UBQLN3: variants seen among roughly 807,000 people sequenced by gnomAD.
UBQLN3 encodes the protein ubiquilin-3.
UBQLN3 carries 1 observed loss-of-function variant against 2.9 expected under a neutral mutation model. The ratio of observed to expected loss-of-function variants is 0.35; its 90% confidence interval spans 0.12 to 1.66. The LOEUF is 1.66. UBQLN3 is among the 40% of genes most tolerant of loss of function. The pLI is 0.35. For synonymous variants in UBQLN3, 358 were observed against 317.6 expected, an observed-to-expected ratio of 1.13 and a Z score of -1.35; for missense variants, 924 against 816.5, an observed-to-expected ratio of 1.13 and a Z score of -1.61.
Position 5,509,040 on chromosome 11 carries a change from A to G in UBQLN3, c.519T>C (p.Asp173=), listed in dbSNP as rs771899984. Residue 173 remains aspartate (D), a synonymous_variant, in exon 2 of 2, where the codon GAT becomes GAC. Transcript: ENST00000311659. ...ACAGCAGACCCGGGATGAAGGGGTC[A>G]TCAATGAGCTGAGTCACAAACTCAG... ...SVPEFVTQLI[D]DPFIPGLLSN... is the part of the protein sequence containing the mutation. 1.9e-6 allele frequency: 3 copies of G among 1,614,182 alleles called. No homozygotes were observed. Among genetic ancestry groups the G allele is most frequent in the Non-Finnish European group, 2.5e-6 (3 of 1,180,012 alleles).
Position 5,507,991 on chromosome 11 carries a change from G to T in UBQLN3, c.1568C>A (p.Ala523Asp), listed in dbSNP as rs2133824676. ...AAMANPRALQ[A>D]LRQIEQGLQV... is the part of the protein sequence containing the mutation. ...TAGACCCTGCTCAATCTGCCGCAGG[G>T]CTTGCAGGGCACGGGGGTTTGCCAT... Residue 523 changes from alanine (A) to aspartate (D), a missense_variant, in exon 2 of 2, where the codon GCC becomes GAC. Transcript: ENST00000311659. The T allele has an allele frequency of 1.9e-6, 3 of 1,614,060 alleles. No individual in the cohort carries two copies. In the South Asian group the frequency reaches 3.3e-5, roughly 18 times the overall value.
chr11:5,508,248 A>G lies in UBQLN3; in HGVS notation c.1311T>C (p.His437=). The change falls in exon 2 of 2, where the codon CAT becomes CAC. Residue 437 remains histidine (H), a synonymous_variant. Transcript: ENST00000311659. The surrounding 1 kb of genome is among the most constrained non-coding windows in gnomAD (Gnocchi z 4.2). ...QDGAGKSSTG[H]STNLPDLVSG... ...AGACAAGATCAGGCAAGTTTGTGCT[A>G]TGTCCAGTAGAGCTTTTCCCTGCAC... 1 of 1,614,112 alleles carries G rather than the reference A, an allele frequency of 6.2e-7. No homozygotes were observed. The highest frequency in any genetic ancestry group is 8.5e-7 in the Non-Finnish European group (1 of 1,179,986).
chr11:5,507,893 C>A lies in UBQLN3; in HGVS notation c.1666G>T (p.Ala556Ser), dbSNP rs1238107597. 1.2e-6 allele frequency: 2 copies of A among 1,613,724 alleles called. No homozygotes were observed. Among genetic ancestry groups the A allele is most frequent in the African/African-American group, 1.3e-5 (1 of 74,934 alleles). The change falls in exon 2 of 2, where the codon GCA becomes TCA. Residue 556 changes from alanine to serine, a missense_variant. Ala to Ser is a moderately conservative substitution (Grantham distance 99). Transcript: ENST00000311659. ...TCTTCTCTAGACTCTATACCTCCTG[C>A]CACACTACCCGTCCCTGCTAGGCAA... ...MPCLAGTGSV[A>S]GGIESREDPL...
chr11:5,509,822 G>A, intron 1 of UBQLN3, 52 bp downstream of exon 1: 1 of 488,480 alleles, frequency 2.0e-6, no homozygotes. Flanking sequence ...GTCTGTAGTT[G>A]ATGAATACAG....
rs1361940057 is a variant in UBQLN3 at position 5,508,355 on chromosome 11, C to T, written c.1204G>A (p.Ala402Thr). 4 of 1,606,584 alleles carry T rather than the reference C, an allele frequency of 2.5e-6. No homozygotes were observed. The Admixed American group carries it at 6.7e-5, about 27-fold the overall frequency. ...SGQPLPEESV[A>T]IKGRSSCPAF... The stretch of plus-strand genomic sequence containing the variant: ...GGGCAGGAGGACCTTCCCTTGATTG[C>T]TACTGACTCCTCGGGGAGAGGCTGG... Residue 402 changes from alanine to threonine, a missense_variant, in exon 2 of 2, where the codon GCA becomes ACA. Physicochemically the swap from Ala to Thr is moderately conservative, Grantham distance 58 (BLOSUM62 0). Transcript: ENST00000311659. This position sits in a 1 kb window ranked among gnomAD's most constrained non-coding sequence, Gnocchi z 4.2.
Position 5,508,875 on chromosome 11 carries a change from G to A in UBQLN3, c.684C>T (p.Ala228=), listed in dbSNP as rs536869156. The A allele has an allele frequency of 1.2e-6, 2 of 1,614,184 alleles. No individual in the cohort carries two copies. Among genetic ancestry groups the A allele is most frequent in the African/African-American group, 2.7e-5 (2 of 75,042 alleles). The change falls in exon 2 of 2, where the codon GCC becomes GCT. Residue 228 remains alanine (A), a synonymous_variant. Coordinates refer to ENST00000311659, the MANE Select transcript of UBQLN3 (RefSeq NM_017481.4). The surrounding 1 kb of genome is among the most constrained non-coding windows in gnomAD (Gnocchi z 4.2). ...GGCTACGTATCATCTCCTGCATCAT[G>A]GCAGGGTTACGTAAAAACTCCAGTG... ...RQTLEFLRNP[A]MMQEMIRSQD...
Position 5,509,565 on chromosome 11 carries a change from A to T in UBQLN3, c.-7T>A. The T allele has an allele frequency of 6.2e-7, 1 of 1,610,378 alleles. No individual in the cohort carries two copies. Among genetic ancestry groups the T allele is most frequent in the Non-Finnish European group, 8.5e-7 (1 of 1,178,038 alleles). ...CTTCTCCACCTTTGGCCATGGTGGC[A>T]GCAGGAGGCCCAGATCTGTGGGGAC... On this transcript the variant is annotated 5_prime_UTR_variant, in exon 2 of 2. Transcript: ENST00000311659.
rs1293062154 is a variant in UBQLN3, at chr11:5,508,297, G to A, written c.1262C>T (p.Thr421Ile). The A allele has an allele frequency of 2.5e-6, 4 of 1,613,502 alleles. No individual in the cohort carries two copies. In the South Asian group the frequency reaches 3.3e-5, roughly 13 times the overall value. Reference protein sequence around the residue: ...AFLRYPTENSTGQGGDQDGAG... With the variant: ...AFLRYPTENSIGQGGDQDGAG... ...ACCATCTTGGTCTCCACCTTGTCCA[G>A]TACTGTTCTCTGTGGGGTATCTCAG... Residue 421 changes from threonine (T) to isoleucine (I), a missense_variant, in exon 2 of 2, where the codon ACT becomes ATT. Coordinates refer to ENST00000311659, the MANE Select transcript of UBQLN3 (RefSeq NM_017481.4). The surrounding 1 kb of genome is among the most constrained non-coding windows in gnomAD (Gnocchi z 4.2).
rs138490127 is a variant in UBQLN3, at chr11:5,507,626, C to T, written c.1933G>A (p.Val645Met). The change falls in exon 2 of 2, where the codon GTG (valine) becomes ATG (methionine). Residue 645 changes from valine to methionine, a missense_variant. By Grantham distance (21) the Val-to-Met change is conservative. Transcript: ENST00000311659. ...CTCAGCTTCTCCACAGCAGCATCCA[C>T]GTCGCCCCCCGTAGCAATGAGGGCC... Reference protein sequence around the residue: ...LQALIATGGDVDAAVEKLRQS With the variant: ...LQALIATGGDMDAAVEKLRQS The T allele has an allele frequency of 1.8e-4, 283 of 1,612,414 alleles. 1 individual carries two copies. The highest frequency in any genetic ancestry group is 8.2e-4 in the Middle Eastern group (5 of 6,074).
chr11:5,509,310 AT>A lies in UBQLN3; in HGVS notation c.248del (p.Asp83ValfsTer52). The A allele has an allele frequency of 6.2e-7, 1 of 1,614,218 alleles. No homozygotes were observed. The highest frequency in any genetic ancestry group is 2.2e-5 in the East Asian group (1 of 44,884). On this transcript the variant is annotated frameshift_variant, in exon 2 of 2. Coordinates refer to ENST00000311659, the MANE Select transcript of UBQLN3 (RefSeq NM_017481.4). LOFTEE classifies it low-confidence loss of function (END_TRUNC). The stretch of plus-strand genomic sequence containing the variant: ...TGATGACCAGGTGGACAGTGAGGCC[AT>A]CTCGCACTCCACACTGTGCCAGTGA... Reference protein sequence around the residue: ...PDSLAQCGVRDGLTVHLVIKR... With the variant: ...PDSLAQCGVRXGLTVHLVIKR...
chr11:5,508,644 G>A lies in UBQLN3; in HGVS notation c.915C>T (p.Pro305=), dbSNP rs1311240879. The A allele has an allele frequency of 2.5e-6, 4 of 1,614,090 alleles. No individual in the cohort carries two copies. The South Asian group carries it at 4.4e-5, about 18-fold the overall frequency. Residue 305 remains proline (P), a synonymous_variant, in exon 2 of 2, where the codon CCC becomes CCT. Transcript: ENST00000311659. The surrounding 1 kb of genome is among the most constrained non-coding windows in gnomAD (Gnocchi z 4.2). ...CTGAGCCTCCATGTGTGGAAGTCCA[G>A]GGGTTGGGGAGAGGGTCACAATTCT... The part of the protein sequence containing the change: ...RMENCDPLPN[P]WTSTHGGSGS...
rs1455114717 is a variant in UBQLN3 at position 5,508,182 on chromosome 11, G to A, written c.1377C>T (p.Pro459=). Residue 459 remains proline (P), a synonymous_variant, in exon 2 of 2, where the codon CCC becomes CCT. Transcript: ENST00000311659. The surrounding 1 kb of genome is among the most constrained non-coding windows in gnomAD (Gnocchi z 4.2). ...GDSANRVPFA[P]LSFSPTAAIP... is the part of the protein sequence containing the mutation. ...TGGCTGCCGTGGGGGAAAAAGATAAGGGAGCAAATGGAACCCTGTTGGCAG... is the reference window on the plus strand; with the variant it reads ...TGGCTGCCGTGGGGGAAAAAGATAAAGGAGCAAATGGAACCCTGTTGGCAG... 2.5e-6 allele frequency: 4 copies of A among 1,614,180 alleles called. No individual in the cohort carries two copies. The highest frequency in any genetic ancestry group is 2.5e-6 in the Non-Finnish European group (3 of 1,180,044).
rs749178331 is a variant in UBQLN3 at position 5,508,460 on chromosome 11, G to A, written c.1099C>T (p.Leu367Phe). Residue 367 changes from leucine (L) to phenylalanine (F), a missense_variant, in exon 2 of 2, where the codon CTC becomes TTC. Leu to Phe is a conservative substitution (Grantham distance 22, BLOSUM62 0). Transcript: ENST00000311659. The surrounding 1 kb of genome is among the most constrained non-coding windows in gnomAD (Gnocchi z 4.2). Reference sequence around the variant, plus strand: ...GGTGGTGGTTCCTGGCTTTGGCTGAGGGCAGATGCAGTCCCCTGTAGATAA... The same window carrying A: ...GGTGGTGGTTCCTGGCTTTGGCTGAAGGCAGATGCAGTCCCCTGTAGATAA... ...GTYLQGTASA[L>F]SQSQEPPPSV... 18 of 1,611,162 alleles carry A rather than the reference G, an allele frequency of 1.1e-5. No individual in the cohort carries two copies. In the Middle Eastern group the frequency reaches 4.9e-4, roughly 44 times the overall value.
chr11:5,508,313 G>C lies in UBQLN3; in HGVS notation c.1246C>G (p.Pro416Ala). The C allele has an allele frequency of 2.5e-6, 4 of 1,610,712 alleles. No homozygotes were observed. The East Asian group carries it at 6.7e-5, about 27-fold the overall frequency. ...CCTTGTCCAGTACTGTTCTCTGTGGGGTATCTCAGGAAAGCTGGGCAGGAG... is the reference window on the plus strand; with the variant it reads ...CCTTGTCCAGTACTGTTCTCTGTGGCGTATCTCAGGAAAGCTGGGCAGGAG... ...RSSCPAFLRY[P>A]TENSTGQGGD... The change falls in exon 2 of 2, where the codon CCC (proline) becomes GCC (alanine). Residue 416 changes from proline to alanine, a missense_variant. Physicochemically the swap from Pro to Ala is conservative, Grantham distance 27. Coordinates refer to ENST00000311659, the MANE Select transcript of UBQLN3 (RefSeq NM_017481.4). This position sits in a 1 kb window ranked among gnomAD's most constrained non-coding sequence, Gnocchi z 4.2.
chr11:5,507,930 G>C lies in UBQLN3; in HGVS notation c.1629C>G (p.Leu543=), dbSNP rs774919025. Residue 543 remains leucine, a synonymous_variant, in exon 2 of 2, where the codon CTC becomes CTG. Coordinates refer to ENST00000311659, the MANE Select transcript of UBQLN3 (RefSeq NM_017481.4). The part of the protein sequence containing the change: ...VLATEAPRLL[L]WFMPCLAGTG... ...TCCCTGCTAGGCAAGGCATGAACCA[G>C]AGTAGGAGGCGAGGTGCTTCAGTAG... 34 of 1,613,828 alleles carry C rather than the reference G, an allele frequency of 2.1e-5. No individual in the cohort carries two copies. The highest frequency in any genetic ancestry group is 2.8e-5 in the Non-Finnish European group (33 of 1,180,044).
chr11:5,508,545 A>G lies in UBQLN3; in HGVS notation c.1014T>C (p.Gly338=), dbSNP rs138787060. ...GGAGATAGTCATAGAGCCTTATAAT[A>G]CCCAGAAAGTTTGGAAACCTATTTC... The part of the protein sequence containing the change: ...DIRNRFPNFL[G]IIRLYDYLQQ... Residue 338 remains glycine, a synonymous_variant, in exon 2 of 2, where the codon GGT becomes GGC. Transcript: ENST00000311659. The surrounding 1 kb of genome is among the most constrained non-coding windows in gnomAD (Gnocchi z 4.2). 8 of 1,614,086 alleles carry G rather than the reference A, an allele frequency of 5.0e-6. No homozygotes were observed. In the African/African-American group the frequency reaches 1.1e-4, roughly 22 times the overall value.
At position 5,509,242 on chromosome 11, in the gene UBQLN3, G is replaced by A; in HGVS notation, c.317C>T (p.Ser106Phe). 6.2e-7 allele frequency: 1 copy of A among 1,614,200 alleles called. No homozygotes were observed. The highest frequency in any genetic ancestry group is 8.5e-7 in the Non-Finnish European group (1 of 1,180,036). ...AGGACTTGGGCCCTGGGTAGGGACA[G>A]AGGCAGCTGGGCACTCATTGCCCAT... ...RAMGNECPAA[S>F]VPTQGPSPGS... Residue 106 changes from serine to phenylalanine, a missense_variant, in exon 2 of 2, where the codon TCT becomes TTT. By Grantham distance (155) the Ser-to-Phe change is radical (BLOSUM62 -2). Coordinates refer to ENST00000311659, the MANE Select transcript of UBQLN3 (RefSeq NM_017481.4).
Position 5,508,648 on chromosome 11 carries a change from T to A in UBQLN3, c.911A>T (p.Asn304Ile). Residue 304 changes from asparagine (N) to isoleucine (I), a missense_variant, in exon 2 of 2, where the codon AAC becomes ATC. Physicochemically the swap from Asn to Ile is moderately radical, Grantham distance 149. Transcript: ENST00000311659. This position sits in a 1 kb window ranked among gnomAD's most constrained non-coding sequence, Gnocchi z 4.2. The stretch of plus-strand genomic sequence containing the variant: ...GCCTCCATGTGTGGAAGTCCAGGGG[T>A]TGGGGAGAGGGTCACAATTCTCCAT... ...SRMENCDPLP[N>I]PWTSTHGGSG... 6.2e-7 allele frequency: 1 copy of A among 1,613,918 alleles called. No homozygotes were observed. Among genetic ancestry groups the A allele is most frequent in the Non-Finnish European group, 8.5e-7 (1 of 1,179,964 alleles).
At position 5,508,958 on chromosome 11, in the gene UBQLN3, T is replaced by C; in HGVS notation, c.601A>G (p.Ile201Val). The C allele has an allele frequency of 6.2e-7, 1 of 1,614,166 alleles. No homozygotes were observed. Among genetic ancestry groups the C allele is most frequent in the Non-Finnish European group, 8.5e-7 (1 of 1,180,024 alleles). The change falls in exon 2 of 2, where the codon ATC becomes GTC. Residue 201 changes from isoleucine (I) to valine (V), a missense_variant. Transcript: ENST00000311659. This position sits in a 1 kb window ranked among gnomAD's most constrained non-coding sequence, Gnocchi z 4.2. ...VLDNPHMQQLIQHNPEIGHIL... is the reference protein window; with the variant it reads ...VLDNPHMQQLVQHNPEIGHIL... ...TGCCCAATCTCAGGGTTGTGCTGGA[T>C]CAGCTGCTGCATATGGGGGTTGTCA...
Sources: gnomAD v4.1 joint callset for allele counts on GRCh38, gnomAD v4.1.1 for gene constraint, Gnocchi (gnomAD v3.1) non-coding constraint, MANE v1.5 for transcripts, NCBI Gene and HGNC (gene_info 2026-07-23, HGNC 2026-07-21) for gene names.